The following DENND1A variants were observed in gnomAD, a reference collection of about 807,000 sequenced individuals.
DENND1A encodes DENN domain containing 1A.
In DENND1A, 51 loss-of-function variants were observed where a neutral mutation model predicts 113.7. That is an observed-to-expected ratio of 0.45 (90% confidence interval 0.36 to 0.57). The LOEUF is 0.57. Ranked by LOEUF, DENND1A falls within the 20% of genes least tolerant of loss-of-function variation. The pLI, the probability that DENND1A is intolerant of heterozygous loss-of-function variation, is 0.00. For missense variants in DENND1A, 1,258 were observed against 1,395.9 expected (o/e 0.90, Z 1.57); for synonymous variants, 565 against 570.8 (o/e 0.99, Z 0.14).
chr9:123,476,090 C>T (rs1393539254), intron 13 of DENND1A, among the ~76,000 whole-genome samples: 1 of 151,508 alleles, frequency 6.6e-6, no homozygotes, highest in African/African-American at 2.4e-5. Context: ...GAGGCTGAGG[C>T]AGAAGAATGC....
intron 13 of DENND1A, among the ~76,000 whole-genome samples, chr9:123,514,757 T>A (rs1335337127): frequency 3.3e-5 from 5 of 152,180 alleles, no homozygotes; most frequent in Non-Finnish European, 4.4e-5. Flanking sequence ...AAAGTGCCTA[T>A]CGTGGGTCTG....
At chr9:123,711,175 TA>T (rs2066561072) in intron 5 of DENND1A, among the ~76,000 whole-genome samples, 1 of 151,742 alleles carries the variant, frequency 6.6e-6, no homozygotes, top group Non-Finnish European at 1.5e-5. Context: ...AATTAAAAAA[TA>T]TATAGAGGCC....
chr9:123,579,940 C>T (rs944539540), intron 12 of DENND1A, among the ~76,000 whole-genome samples: 23 of 152,300 alleles, frequency 1.5e-4, no homozygotes, highest in African/African-American at 5.5e-4. Flanking sequence ...AGAACATTCT[C>T]AACCCTGTTA....
chr9:123,588,356 C>T (rs982368369), intron 11 of DENND1A, among the ~76,000 whole-genome samples: 13 of 150,592 alleles, frequency 8.6e-5, no homozygotes, highest in Admixed American at 7.9e-4. Context: ...CGATGGCTCA[C>T]GCTTGTAATC....
At chr9:123,839,109 CAAA>C (rs966974731) in intron 2 of DENND1A, among the ~76,000 whole-genome samples, 49 of 152,278 alleles carry the variant, frequency 3.2e-4, no homozygotes, top group African/African-American at 1.1e-3. Context: ...TGGGTACAGA[CAAA>C]AAGTGTCTGT....
chr9:123,846,215 G>C (rs1038071929), intron 2 of DENND1A, among the ~76,000 whole-genome samples: 25 of 152,220 alleles, frequency 1.6e-4, no homozygotes, highest in Admixed American at 1.4e-3. Flanking sequence ...AGAATGTAGA[G>C]AAACTGGAAC....
intron 2 of DENND1A, among the ~76,000 whole-genome samples, chr9:123,858,409 A>G (rs1332283162): frequency 6.6e-6 from 1 of 152,274 alleles, no homozygotes; most frequent in South Asian, 2.1e-4. Flanking sequence ...CTTTTTTTAA[A>G]TCTTTAAAAA....
rs746084954 is a variant in DENND1A at position 123,381,501 on chromosome 9, C to T, written c.3144G>A (p.Pro1048=). 36 of 1,613,466 alleles carry T rather than the reference C, an allele frequency of 2.2e-5. No homozygotes were observed. Among genetic ancestry groups the T allele is most frequent in the South Asian group, 1.9e-4 (17 of 91,042 alleles). ...CTGGGGCCGGGGCCAGGGCCGGACT[C>T]GGGCTCACGTCTTGCTTGGTTTTCT... The part of the protein sequence containing the change: ...LLQKTKQDVS[P]SPALAPAPDS... The change falls in exon 24 of 24, where the codon CCG becomes CCA. Residue 1048 remains proline, a synonymous_variant. Coordinates refer to ENST00000394215, the MANE Select transcript of DENND1A (RefSeq NM_001352964.2). The surrounding 1 kb of genome is among the most constrained non-coding windows in gnomAD (Gnocchi z 4.7).
chr9:123,751,110 G>A (rs891576160), intron 5 of DENND1A: 3 of 152,142 alleles, frequency 2.0e-5, no homozygotes, highest in Non-Finnish European at 4.4e-5. Context: ...AACTGTATGT[G>A]TTGTTTAAAA....
intron 9 of DENND1A, among the ~76,000 whole-genome samples, chr9:123,631,953 T>C (rs1010967718): frequency 1.8e-4 from 28 of 152,248 alleles, no homozygotes; most frequent in African/African-American, 6.8e-4. Context: ...TCTGTCTTTT[T>C]TTCTTTAATG....
chr9:123,760,911 C>G (rs1033150940), intron 4 of DENND1A, among the ~76,000 whole-genome samples: 1 of 152,126 alleles, frequency 6.6e-6, no homozygotes, highest in Non-Finnish European at 1.5e-5. Flanking sequence ...AACACTACTA[C>G]GTGATCATAC....
chr9:123,883,235 C>A (rs1848564990), intron 1 of DENND1A, among the ~76,000 whole-genome samples: 2 of 152,202 alleles, frequency 1.3e-5, no homozygotes, highest in Non-Finnish European at 2.9e-5. Flanking sequence ...TCTCCTTTCT[C>A]TAAATGTAAG....
At chr9:123,772,916 C>T (rs1047403348) in intron 3 of DENND1A, among the ~76,000 whole-genome samples, 2 of 152,140 alleles carry the variant, frequency 1.3e-5, no homozygotes, top group African/African-American at 4.8e-5. Context: ...TCTAAAATCC[C>T]TCCCAATCAA....
At chr9:123,811,843 TA>T (rs1161530552) in intron 2 of DENND1A, among the ~76,000 whole-genome samples, 3 of 152,234 alleles carry the variant, frequency 2.0e-5, no homozygotes, top group African/African-American at 7.2e-5. Flanking sequence ...GATTTAGAAC[TA>T]TAAATGACAT....
chr9:123,666,642 G>A (rs1045919978), intron 8 of DENND1A, among the ~76,000 whole-genome samples: 3 of 152,094 alleles, frequency 2.0e-5, no homozygotes, highest in African/African-American at 7.2e-5. Flanking sequence ...AAACTACAGA[G>A]TAAATGGAAT....
intron 1 of DENND1A, among the ~76,000 whole-genome samples, chr9:123,929,302 G>T (rs768823741): frequency 1.3e-5 from 2 of 152,308 alleles, no homozygotes; most frequent in Admixed American, 1.3e-4. Context: ...CAACACAGAG[G>T]TATCCTCCTT....
chr9:123,645,540 G>C (rs2062270936), intron 9 of DENND1A, among the ~76,000 whole-genome samples: 1 of 152,142 alleles, frequency 6.6e-6, no homozygotes, highest in Middle Eastern at 3.2e-3. Flanking sequence ...TACAACAGAA[G>C]TCTGCTCAGC....
chr9:123,785,034 C>G (rs897623482), intron 3 of DENND1A, among the ~76,000 whole-genome samples: 1 of 152,100 alleles, frequency 6.6e-6, no homozygotes, highest in South Asian at 2.1e-4. Context: ...ATGGACATTA[C>G]TGAATAGTAC....
chr9:123,786,392 G>C (rs1832177445), intron 3 of DENND1A, among the ~76,000 whole-genome samples: 1 of 152,040 alleles, frequency 6.6e-6, no homozygotes, highest in African/African-American at 2.4e-5. Flanking sequence ...ACCACCCAAG[G>C]GTTCTAGTTT....
Sources: allele counts gnomAD v4.1 joint callset (sites outside exome capture counted in the v4.1 genomes callset), GRCh38; gene constraint gnomAD v4.1.1; non-coding constraint Gnocchi (gnomAD v3.1); transcripts MANE v1.5; gene names NCBI Gene and HGNC (gene_info 2026-07-23, HGNC 2026-07-21).